Variants in SSH2 observed in about 807,000 individuals in gnomAD.
SSH2 encodes the protein protein phosphatase Slingshot homolog 2.
In SSH2, 37 loss-of-function variants were observed where a neutral mutation model predicts 135.2. That is an observed-to-expected ratio of 0.27 (90% CI 0.21 to 0.36). SSH2 has a LOEUF of 0.36. Ranked by LOEUF, SSH2 falls within the 10% of genes least tolerant of loss-of-function variation. The probability of loss-of-function intolerance (pLI) is 1.00; values close to 1 mark genes in which losing one functional copy is unlikely to be tolerated. For missense variants in SSH2, 1,408 were observed against 1,765.3 expected, an observed-to-expected ratio of 0.80 and a Z score of 3.63; for synonymous variants, 628 against 646.2, an observed-to-expected ratio of 0.97 and a Z score of 0.43.
rs149601529 is a variant in SSH2, at chr17:29,632,526, G to A, written c.2668C>T (p.Pro890Ser). The part of the protein sequence containing the change: ...SGMHPGAKWY[P>S]GSVRRATLEF... ...AAGGTGGCTCGCCTCACAGACCCAG[G>A]GTACCACTTGGCACCTGGGTGCATC... is the stretch of plus-strand genomic sequence containing the variant. The change falls in exon 16 of 16, where the codon CCT becomes TCT. Residue 890 changes from proline (P) to serine (S), a missense_variant. Transcript: ENST00000540801. The A allele has an allele frequency of 1.7e-3, 2,685 of 1,614,146 alleles. 3 individuals carry two copies. Among genetic ancestry groups the A allele is most frequent in the Non-Finnish European group, 2.2e-3 (2,566 of 1,180,018 alleles).
At chr17:29,802,345 T>C (rs2042263887) in intron 2 of SSH2, among the ~76,000 whole-genome samples, 1 of 152,184 alleles carries the variant, frequency 6.6e-6, no homozygotes, top group Non-Finnish European at 1.5e-5. Context: ...TATAACGATA[T>C]GTCATTTAGG....
intron 8 of SSH2, among the ~76,000 whole-genome samples, chr17:29,674,791 C>CA (rs977120658): frequency 6.6e-6 from 1 of 151,916 alleles, no homozygotes; most frequent in South Asian, 2.1e-4. Flanking sequence ...AAAAAAAATG[C>CA]AAAAAAATCT....
intron 3 of SSH2, among the ~76,000 whole-genome samples, chr17:29,725,790 C>T (rs2039983956): frequency 6.6e-6 from 1 of 152,270 alleles, no homozygotes. Flanking sequence ...GGACAAATAT[C>T]TAATCCATGT....
intron 9 of SSH2, among the ~76,000 whole-genome samples, chr17:29,670,634 C>T (rs1205910171): frequency 6.6e-6 from 1 of 152,024 alleles, no homozygotes; most frequent in Non-Finnish European, 1.5e-5. Context: ...ATTAGCTGGC[C>T]GTGGTGGCAT....
chr17:29,740,253 C>T (rs557832571), intron 3 of SSH2, among the ~76,000 whole-genome samples: 2 of 152,164 alleles, frequency 1.3e-5, no homozygotes, highest in Non-Finnish European at 1.5e-5. Flanking sequence ...TGTTCCAGCA[C>T]CATGTCCAGA....
intron 2 of SSH2, among the ~76,000 whole-genome samples, chr17:29,820,074 T>G (rs2042626612): frequency 6.6e-6 from 1 of 151,924 alleles, no homozygotes; most frequent in African/African-American, 2.4e-5. Context: ...CTCTTTGTTG[T>G]TTGCCATTTT....
Position 29,637,055 on chromosome 17 carries a change from G to A in SSH2, c.1428-253C>T, listed in dbSNP as rs1450098787. ...ATGGTTGGTAACAGCCAGTGTTGAT[G>A]ATGGTATGGCTAAACAAGCCCTCTC... On this transcript the variant is annotated intron_variant, in intron 14 of 15. Transcript: ENST00000540801. 2.0e-5 allele frequency among the ~76,000 whole-genome samples: 3 copies of A among 152,226 alleles called. No individual in the cohort carries two copies. In the East Asian group the frequency reaches 5.8e-4, roughly 29 times the overall value.
chr17:29,743,714 CT>C (rs2040647988), intron 3 of SSH2, among the ~76,000 whole-genome samples: 1 of 152,056 alleles, frequency 6.6e-6, no homozygotes, highest in African/African-American at 2.4e-5. Flanking sequence ...AGTTTTTCAT[CT>C]TTACATTAGA....
chr17:29,770,844 A>G lies in SSH2; in HGVS notation c.188+23050T>C, dbSNP rs568245946. ...TTCTATTCAGCCTTTCAGGTTTTTC[A>G]TGTATAACATATTTTTCAGACCTAG... On this transcript the variant is annotated intron_variant, in intron 3 of 15. Coordinates refer to ENST00000540801, the MANE Select transcript of SSH2 (RefSeq NM_001282129.2). Among the ~76,000 whole-genome samples the G allele has an allele frequency of 5.3e-5, 8 of 152,242 alleles. No individual in the cohort carries two copies. In the South Asian group the frequency reaches 1.7e-3, roughly 32 times the overall value.
At position 29,718,535 on chromosome 17, in the gene SSH2, C is replaced by T. The variant is rs934246838; in HGVS notation, c.189-15473G>A. On this transcript the variant is annotated intron_variant, in intron 3 of 15. Coordinates refer to ENST00000540801, the MANE Select transcript of SSH2 (RefSeq NM_001282129.2). ...AGGATCTCTTAAGAGGCTACAGTCCCGTCCTGGCTAACACGGTGAAACCTT... is the reference window on the plus strand; with the variant it reads ...AGGATCTCTTAAGAGGCTACAGTCCTGTCCTGGCTAACACGGTGAAACCTT... 3.3e-5 allele frequency among the ~76,000 whole-genome samples: 5 copies of T among 151,998 alleles called. No individual in the cohort carries two copies. The East Asian group carries it at 5.8e-4, about 18-fold the overall frequency.
intron 3 of SSH2, among the ~76,000 whole-genome samples, chr17:29,764,584 A>G (rs999995114): frequency 1.3e-5 from 2 of 152,222 alleles, no homozygotes; most frequent in African/African-American, 4.8e-5. Flanking sequence ...TCTGTAAAAA[A>G]CAAATTTTGC....
At chr17:29,768,002 T>C (rs1339471695) in intron 3 of SSH2, among the ~76,000 whole-genome samples, 1 of 152,170 alleles carries the variant, frequency 6.6e-6, no homozygotes, top group Non-Finnish European at 1.5e-5. Context: ...TAGGACCTGG[T>C]AGATATTATC....
At chr17:29,739,871 T>A (rs916851700) in intron 3 of SSH2, among the ~76,000 whole-genome samples, 2 of 152,244 alleles carry the variant, frequency 1.3e-5, no homozygotes, top group East Asian at 3.8e-4. Flanking sequence ...AAATCTCCAA[T>A]ACATCACAAT....
At chr17:29,686,442 A>G (rs1207727712) in intron 5 of SSH2, among the ~76,000 whole-genome samples, 1 of 150,180 alleles carries the variant, frequency 6.7e-6, no homozygotes, top group Non-Finnish European at 1.5e-5. Flanking sequence ...GCTCACTGCA[A>G]CCTCCACCTC....
At chr17:29,913,703 C>T (rs1216713875) in intron 1 of SSH2, among the ~76,000 whole-genome samples, 1 of 151,318 alleles carries the variant, frequency 6.6e-6, no homozygotes, top group African/African-American at 2.4e-5. Flanking sequence ...GGCGCAATCT[C>T]GGCTCACCGC....
Position 29,752,545 on chromosome 17 carries a change from A to T in SSH2, c.188+41349T>A, listed in dbSNP as rs182837261. Among the ~76,000 whole-genome samples the T allele has an allele frequency of 4.9e-4, 74 of 152,282 alleles. 1 individual carries two copies. The highest frequency in any genetic ancestry group is 1.9e-3 in the Admixed American group (29 of 15,296). On this transcript the variant is annotated intron_variant, in intron 3 of 15. Transcript: ENST00000540801. The stretch of plus-strand genomic sequence containing the variant: ...AATTCCAGATGTTTTAAAGAGTTAA[A>T]TATTTAAAAATGTAAACATGCCAGA...
At chr17:29,889,802 CAAAAAAAA>C (rs534822390) in intron 1 of SSH2, among the ~76,000 whole-genome samples, 44 of 49,500 alleles carry the variant, frequency 8.9e-4, no homozygotes, top group African/African-American at 2.9e-3. Context: ...CCATCTCTAC[CAAAAAAAA>C]AAAAAAAAAA....
intron 11 of SSH2, among the ~76,000 whole-genome samples, chr17:29,661,061 C>CAAAAAAAAAAAAAAAAAAAAA (rs374216221): frequency 1.9e-4 from 9 of 48,356 alleles, no homozygotes; most frequent in African/African-American, 6.1e-4. Flanking sequence ...AATTCCATCT[C>CAAAAAAAAAAAAAAAAAAAAA]AAAAAAAAAA....
rs139578446 is a variant in SSH2, at chr17:29,671,208, G to A, written c.809+727C>T. On this transcript the variant is annotated intron_variant, in intron 9 of 15. Transcript: ENST00000540801. ...TAAGTTAAAAATTAGCAGGCTGGGCGTAGTGGCTCACACTTGTAATCCCAG... is the reference window on the plus strand; with the variant it reads ...TAAGTTAAAAATTAGCAGGCTGGGCATAGTGGCTCACACTTGTAATCCCAG... Among the ~76,000 whole-genome samples the A allele has an allele frequency of 3.3e-3, 498 of 152,126 alleles. 2 individuals are homozygous for A. The highest frequency in any genetic ancestry group is 5.5e-3 in the Non-Finnish European group (376 of 67,990).
Sources: allele counts gnomAD v4.1 joint callset (sites outside exome capture counted in the v4.1 genomes callset), GRCh38; gene constraint gnomAD v4.1.1; transcripts MANE v1.5; gene names NCBI Gene and HGNC (gene_info 2026-07-23, HGNC 2026-07-21).